Variants in CPNE8 observed in about 807,000 individuals in gnomAD.
The protein encoded by CPNE8 is copine-8.
Under a neutral mutation model 81.5 loss-of-function variants are expected in CPNE8, and 45 were observed. The ratio of observed to expected loss-of-function variants is 0.55; its 90% CI spans 0.44 to 0.71. The LOEUF is 0.71. Among genes scored for constraint, CPNE8 ranks in the 30% least tolerant of loss-of-function variants. The pLI is 0.00. For missense variants in CPNE8, 594 were observed against 672.1 expected (o/e 0.88, Z 1.28); for synonymous variants, 252 against 226.3 (o/e 1.11, Z -1.02).
intron 6 of CPNE8, among the ~76,000 whole-genome samples, chr12:38,785,951 T>C (rs927106254): frequency 8.0e-5 from 12 of 150,182 alleles, no homozygotes; most frequent in Admixed American, 6.6e-4. Context: ...CTAGATCATA[T>C]CAACAGAGAA....
At chr12:38,872,027 C>A (rs11169879) in intron 3 of CPNE8, among the ~76,000 whole-genome samples, 36,313 of 151,882 alleles carry the variant, frequency 0.24, 5,450 homozygotes, top group Non-Finnish European at 0.33. Context: ...CTCAGCTACT[C>A]GGGAGGCTGA....
intron 3 of CPNE8, among the ~76,000 whole-genome samples, chr12:38,868,986 T>G (rs902204311): frequency 6.6e-6 from 1 of 152,164 alleles, no homozygotes; most frequent in Non-Finnish European, 1.5e-5. Flanking sequence ...TAGTATTCAG[T>G]TGAATCACAT....
At chr12:38,840,013 A>G in intron 4 of CPNE8, 58 bp from the exon 5 acceptor site, 3 of 1,476,954 alleles carry the variant, frequency 2.0e-6, no homozygotes, top group South Asian at 1.3e-5. Context: ...TAGAAAAAAA[A>G]CCAGTATTTT....
intron 13 of CPNE8, among the ~76,000 whole-genome samples, chr12:38,710,582 T>C (rs1940231377): frequency 6.6e-6 from 1 of 152,198 alleles, no homozygotes; most frequent in Admixed American, 6.5e-5. Flanking sequence ...ATACTCTACA[T>C]GCTGTAGGAC....
At chr12:38,871,544 G>A (rs1345125003) in intron 3 of CPNE8, among the ~76,000 whole-genome samples, 1 of 152,146 alleles carries the variant, frequency 6.6e-6, no homozygotes, top group African/African-American at 2.4e-5. Flanking sequence ...ATGGAAAAAG[G>A]GGGCATATAC....
rs552336237 is a variant in CPNE8, at chr12:38,742,601, C to A, written c.723-12243G>T. 1.3e-4 allele frequency among the ~76,000 whole-genome samples: 20 copies of A among 151,580 alleles called. 1 individual carries two copies. The South Asian group carries it at 4.2e-3, about 32-fold the overall frequency. On this transcript the variant is annotated intron_variant, in intron 10 of 19. Transcript: ENST00000331366. The stretch of plus-strand genomic sequence containing the variant: ...GTAAATGACGAGTTAATTTGTGCAG[C>A]ACACCAACATGGCACATGTATAAAT...
At chr12:38,681,385 T>C (rs74087315) in intron 16 of CPNE8, among the ~76,000 whole-genome samples, 15,938 of 147,022 alleles carry the variant, frequency 0.11, 1,042 homozygotes, top group East Asian at 0.24. Flanking sequence ...GATTTAAACA[T>C]AGTATTTTAG....
chr12:38,864,041 G>C (rs1199071709), intron 3 of CPNE8, among the ~76,000 whole-genome samples: 1 of 143,952 alleles, frequency 6.9e-6, no homozygotes, highest in Admixed American at 7.1e-5. Context: ...ACGACAGAGC[G>C]AGACTTCATC....
intron 6 of CPNE8, among the ~76,000 whole-genome samples, chr12:38,812,576 T>G (rs932819047): frequency 6.6e-6 from 1 of 152,126 alleles, no homozygotes. Flanking sequence ...TTACCTCCCA[T>G]TGGGACCCTC....
At chr12:38,701,581 C>A (rs1004194183) in intron 14 of CPNE8, among the ~76,000 whole-genome samples, 7 of 152,120 alleles carry the variant, frequency 4.6e-5, no homozygotes. Context: ...GTAACCTCTA[C>A]CTCTTGGGTT....
chr12:38,823,865 G>C (rs1262247259), intron 6 of CPNE8, among the ~76,000 whole-genome samples: 1 of 152,104 alleles, frequency 6.6e-6, no homozygotes, highest in Non-Finnish European at 1.5e-5. Context: ...CAGAAAATTG[G>C]ATACAATCTC....
At chr12:38,775,847 C>T (rs1326182796) in intron 7 of CPNE8, among the ~76,000 whole-genome samples, 1 of 152,078 alleles carries the variant, frequency 6.6e-6, no homozygotes, top group Non-Finnish European at 1.5e-5. Flanking sequence ...ATATCTTATA[C>T]AAATGGGGTA....
At chr12:38,707,915 T>C (rs759765986) in intron 13 of CPNE8, among the ~76,000 whole-genome samples, 6 of 152,330 alleles carry the variant, frequency 3.9e-5, no homozygotes, top group Admixed American at 1.3e-4. Flanking sequence ...CACTGTGCTA[T>C]AGGATGAAGA....
At chr12:38,748,667 AT>A (rs376012133) in intron 10 of CPNE8, among the ~76,000 whole-genome samples, 4 of 150,880 alleles carry the variant, frequency 2.7e-5, no homozygotes, top group Admixed American at 6.6e-5. Flanking sequence ...CGCCCGGCTA[AT>A]TTTTTTTTGT....
At chr12:38,665,729 A>T (rs772992988) in intron 19 of CPNE8, among the ~76,000 whole-genome samples, 39 of 152,296 alleles carry the variant, frequency 2.6e-4, no homozygotes, top group Non-Finnish European at 4.7e-4. Flanking sequence ...CCTTATACAC[A>T]ATGGCCAATC....
intron 8 of CPNE8, among the ~76,000 whole-genome samples, chr12:38,763,790 A>G (rs1941620230): frequency 6.6e-6 from 1 of 152,188 alleles, no homozygotes; most frequent in African/African-American, 2.4e-5. Context: ...CTTAGTCATA[A>G]AGTGTTTCAA....
intron 15 of CPNE8, among the ~76,000 whole-genome samples, chr12:38,692,952 C>T (rs1939711007): frequency 6.6e-6 from 1 of 152,108 alleles, no homozygotes; most frequent in Non-Finnish European, 1.5e-5. Context: ...AGATTACTCA[C>T]CCTGGGAAAG....
At chr12:38,685,454 A>C in intron 16 of CPNE8, 36 bp downstream of exon 16, 1 of 1,603,162 alleles carries the variant, frequency 6.2e-7, no homozygotes, top group Non-Finnish European at 8.5e-7. Context: ...ATGTTCCAGT[A>C]CATCAGAATA....
intron 10 of CPNE8, among the ~76,000 whole-genome samples, chr12:38,759,164 G>T (rs1373408267): frequency 6.6e-6 from 1 of 152,144 alleles, no homozygotes; most frequent in African/African-American, 2.4e-5. Context: ...AAATCAGTCA[G>T]ATTTGCTTCA....
Sources: allele counts gnomAD v4.1 joint callset (sites outside exome capture counted in the v4.1 genomes callset), GRCh38; gene constraint gnomAD v4.1.1; transcripts MANE v1.5; gene names NCBI Gene and HGNC (gene_info 2026-07-23, HGNC 2026-07-21).